LAIR1: variants seen among roughly 807,000 people sequenced by gnomAD.
The protein encoded by LAIR1 is leukocyte-associated immunoglobulin-like receptor 1.
LAIR1 carries 24 observed loss-of-function variants against 32.8 expected under a neutral mutation model. The ratio of observed to expected loss-of-function variants is 0.73; its 90% CI spans 0.53 to 1.03. The LOEUF (loss-of-function observed/expected upper bound fraction) is 1.03, where lower values mean the gene tolerates loss of function less well. LAIR1 is among the 50% of genes least tolerant of loss of function. The pLI is 0.00. For missense variants in LAIR1, 355 were observed against 347.5 expected, an observed-to-expected ratio of 1.02 and a Z score of -0.17; for synonymous variants, 150 against 140.5, an observed-to-expected ratio of 1.07 and a Z score of -0.48.
In LAIR1 at chr19:54,354,108, T is replaced by G. The variant is rs944271698; in HGVS notation, c.*1160A>C. The G allele has an allele frequency of 6.6e-6, 1 of 152,078 alleles. No homozygotes were observed. Among genetic ancestry groups the G allele is most frequent in the African/African-American group, 2.4e-5 (1 of 41,390 alleles). The allele number at this position is 152,078 out of a possible 1,614,324, so 9.4% of individuals were successfully genotyped here. A position where few individuals can be genotyped will look rare whatever the true frequency, so the allele number is the denominator to read the frequency against. On this transcript the variant is annotated 3_prime_UTR_variant, in exon 10 of 10. Coordinates refer to ENST00000391742, the MANE Select transcript of LAIR1 (RefSeq NM_002287.6). ...CGCCTCCTAGTGGTACATAGGGTAA[T>G]TTTCTGTGTCAATCAGTACATCTGA...
intron 4 of LAIR1, chr19:54,357,290 C>T (rs1480484491): frequency 3.9e-5 from 12 of 309,408 alleles, no homozygotes; most frequent in Non-Finnish European, 5.4e-5. Flanking sequence ...GGTGCAGATA[C>T]AGCGCGTTTC....
Position 54,355,409 on chromosome 19 carries a change from C to T in LAIR1, c.723G>A (p.Leu241=). The T allele has an allele frequency of 6.2e-7, 1 of 1,603,944 alleles. No homozygotes were observed. Among genetic ancestry groups the T allele is most frequent in the Non-Finnish European group, 8.5e-7 (1 of 1,174,898 alleles). ...TCACCTCCTGGGAACTCCCTGCAGC[C>T]AGGGCCTAAGAGGGAGAGACCCAGG... is the stretch of plus-strand genomic sequence containing the variant. ...EKDRETDTSA[L]AAGSSQEVTY... The change falls in exon 10 of 10, where the codon CTG becomes CTA. Residue 241 remains leucine, a synonymous_variant. Transcript: ENST00000391742. The surrounding 1 kb of genome is among the most constrained non-coding windows in gnomAD (Gnocchi z 4.7).
At chr19:54,373,258 C>CG (rs766993114), upstream of LAIR1, among the ~76,000 whole-genome samples, 41 of 150,858 alleles carry the variant, frequency 2.7e-4, no homozygotes, top group East Asian at 6.9e-3. Flanking sequence ...CTGGCCAACA[C>CG]GGTGAAACCC....
At chr19:54,371,927 G>A (rs913104183), upstream of LAIR1, among the ~76,000 whole-genome samples, 6 of 151,654 alleles carry the variant, frequency 4.0e-5, no homozygotes, top group East Asian at 1.9e-4. Context: ...GGCTTATTTC[G>A]TGTAGTGATA....
upstream of LAIR1, chr19:54,364,994 G>A (rs778512298): frequency 8.0e-5 from 117 of 1,457,108 alleles, no homozygotes; most frequent in Non-Finnish European, 1.0e-4. This position sits in a 1 kb window ranked among gnomAD's most constrained non-coding sequence, Gnocchi z 4.8. Context: ...AGTGAGACGA[G>A]AGGGAGGGCC....
At position 54,355,802 on chromosome 19, in the gene LAIR1, A is replaced by G. The variant is rs2081668233; in HGVS notation, c.717+152T>C. Reference sequence around the variant, plus strand: ...AGCCCACGGGAGCCTTCGGATGCACACAGCCCTGGGCGACCTCTCGACAGC... The same window carrying G: ...AGCCCACGGGAGCCTTCGGATGCACGCAGCCCTGGGCGACCTCTCGACAGC... On this transcript the variant is annotated intron_variant, in intron 9 of 9. Coordinates refer to ENST00000391742, the MANE Select transcript of LAIR1 (RefSeq NM_002287.6). This position sits in a 1 kb window ranked among gnomAD's most constrained non-coding sequence, Gnocchi z 4.7. 3.1e-6 allele frequency: 2 copies of G among 639,350 alleles called. No individual in the cohort carries two copies. Among genetic ancestry groups the G allele is most frequent in the Non-Finnish European group, 5.6e-6 (2 of 356,218 alleles). 39.6% of individuals were successfully genotyped at this position (639,350 alleles called of 1,614,324 possible).
upstream of LAIR1, among the ~76,000 whole-genome samples, chr19:54,373,232 G>A (rs1386803520): frequency 6.6e-6 from 1 of 151,246 alleles, no homozygotes. Flanking sequence ...CACGAGGTCA[G>A]GTGATCGAGA....
chr19:54,372,049 G>A (rs1164958365), upstream of LAIR1, among the ~76,000 whole-genome samples: 1 of 151,604 alleles, frequency 6.6e-6, no homozygotes, highest in Non-Finnish European at 1.5e-5. Flanking sequence ...TTACTGAAGG[G>A]CATCTTGGTT....
rs572702353 is a variant in LAIR1, at chr19:54,355,857, G to T, written c.717+97C>A. ...TCAGGACAGGCCGTGAGCCGGAACC[G>T]CCCAGCTGAGCCACTCCTGAATTCC... is the stretch of plus-strand genomic sequence containing the variant. On this transcript the variant is annotated intron_variant, in intron 9 of 9. Coordinates refer to ENST00000391742, the MANE Select transcript of LAIR1 (RefSeq NM_002287.6). This position sits in a 1 kb window ranked among gnomAD's most constrained non-coding sequence, Gnocchi z 4.7. The T allele has an allele frequency of 1.9e-5, 16 of 858,248 alleles. 1 individual carries two copies. The South Asian group carries it at 1.9e-4, about 10-fold the overall frequency. The allele number at this position is 858,248 out of a possible 1,614,324, so 53.2% of individuals were successfully genotyped here.
At chr19:54,367,963 G>A (rs2082306577), upstream of LAIR1, among the ~76,000 whole-genome samples, 2 of 150,802 alleles carry the variant, frequency 1.3e-5, no homozygotes, top group East Asian at 2.0e-4. Context: ...TAGTAGAGAC[G>A]GGGTTTCACC....
At chr19:54,365,117 A>C (rs533153104), upstream of LAIR1, 4 of 1,175,878 alleles carry the variant, frequency 3.4e-6, no homozygotes, top group African/African-American at 6.4e-5. Context: ...GGCAGAATAA[A>C]GGTCGGGCAA....
Position 54,355,544 on chromosome 19 carries a change from G to A in LAIR1, c.718-130C>T. 1 of 760,762 alleles carries A rather than the reference G, an allele frequency of 1.3e-6. No individual in the cohort carries two copies. The highest frequency in any genetic ancestry group is 1.8e-5 in the South Asian group (1 of 54,882). The allele number at this position is 760,762 out of a possible 1,614,324, so 47.1% of individuals were successfully genotyped here. ...CTCTCCTAAATTGCATCCGTGTGAA[G>A]AGCCCTCCCACAGGGTATTGGGGTT... On this transcript the variant is annotated intron_variant, in intron 9 of 9. Transcript: ENST00000391742. The surrounding 1 kb of genome is among the most constrained non-coding windows in gnomAD (Gnocchi z 4.7).
In LAIR1 at chr19:54,364,008, C is replaced by T. The variant is rs2082142664; in HGVS notation, c.70+287G>A. On this transcript the variant is annotated intron_variant, in intron 2 of 9. Coordinates refer to ENST00000391742, the MANE Select transcript of LAIR1 (RefSeq NM_002287.6). The surrounding 1 kb of genome is among the most constrained non-coding windows in gnomAD (Gnocchi z 4.8). ...TAATCAGCTTTATTTAATCTTTCCA[C>T]AATGTGTACATACGTCATAATATCA... 6.6e-6 allele frequency among the ~76,000 whole-genome samples: 1 copy of T among 152,142 alleles called. No individual in the cohort carries two copies. Among genetic ancestry groups the T allele is most frequent in the South Asian group, 2.1e-4 (1 of 4,832 alleles).
Position 54,356,613 on chromosome 19 carries a change from G to A in LAIR1, c.461C>T (p.Pro154Leu), listed in dbSNP as rs2081725164. 1 of 1,613,654 alleles carries A rather than the reference G, an allele frequency of 6.2e-7. No individual in the cohort carries two copies. The change falls in exon 6 of 10, where the codon CCT (proline) becomes CTT (leucine). Residue 154 changes from proline (P) to leucine (L), a missense_variant. Physicochemically the swap from Pro to Leu is moderately conservative, Grantham distance 98. Coordinates refer to ENST00000391742, the MANE Select transcript of LAIR1 (RefSeq NM_002287.6). Reference protein sequence around the residue: ...PSDNSHNEHAPASQGLKAEHL... With the variant: ...PSDNSHNEHALASQGLKAEHL... The stretch of plus-strand genomic sequence containing the variant: ...CTCAGCTTTCAGGCCTTGGGAAGCA[G>A]GTGCATCTAAGAAAGACAGAAACAG...
upstream of LAIR1, among the ~76,000 whole-genome samples, chr19:54,372,336 G>C (rs746483995): frequency 6.6e-6 from 1 of 151,286 alleles, no homozygotes; most frequent in Non-Finnish European, 1.5e-5. Context: ...ACTCTAATAG[G>C]TGTGTCGTGG....
upstream of LAIR1, among the ~76,000 whole-genome samples, chr19:54,365,903 T>C (rs1455008341): frequency 6.6e-6 from 1 of 151,994 alleles, no homozygotes; most frequent in Non-Finnish European, 1.5e-5. Context: ...ATAATTGATA[T>C]AGAAAATGTG....
At chr19:54,375,426 C>A (rs1392958285), upstream of LAIR1, among the ~76,000 whole-genome samples, 2 of 152,208 alleles carry the variant, frequency 1.3e-5, no homozygotes, top group South Asian at 4.1e-4. Context: ...CTTCTTACCA[C>A]GTATCTCCCA....
chr19:54,373,412 C>T (rs1480831827), upstream of LAIR1, among the ~76,000 whole-genome samples: 3 of 151,682 alleles, frequency 2.0e-5, no homozygotes, highest in Non-Finnish European at 4.4e-5. Context: ...CCACTGCACT[C>T]CAGCCAGGGT....
chr19:54,355,924 G>T lies in LAIR1; in HGVS notation c.717+30C>A. ...GATTTTTTTAAGCTGCTAAATTTGG[G>T]GTACTTTAATAACTAGTAGGAAGGC... On this transcript the variant is annotated intron_variant, in intron 9 of 9. Transcript: ENST00000391742. This position sits in a 1 kb window ranked among gnomAD's most constrained non-coding sequence, Gnocchi z 4.7. The T allele has an allele frequency of 6.8e-7, 1 of 1,464,406 alleles. No individual in the cohort carries two copies. The highest frequency in any genetic ancestry group is 2.3e-5 in the East Asian group (1 of 44,266). 90.7% of individuals were successfully genotyped at this position (1,464,406 alleles called of 1,614,324 possible).
Sources: gnomAD v4.1 joint callset for allele counts (sites outside exome capture counted in the v4.1 genomes callset) on GRCh38, gnomAD v4.1.1 for gene constraint, Gnocchi (gnomAD v3.1) non-coding constraint, MANE v1.5 for transcripts, NCBI Gene and HGNC (gene_info 2026-07-23, HGNC 2026-07-21) for gene names.